Variants in CCDC178 observed in about 807,000 individuals in gnomAD.
CCDC178 encodes the protein coiled-coil domain containing 178, also known as coiled-coil domain-containing protein 178.
In CCDC178, 126 loss-of-function variants were observed where a neutral mutation model predicts 117.4. The observed-to-expected ratio is 1.07, with a 90% CI of 0.93 to 1.24. CCDC178 has a LOEUF of 1.24. CCDC178 is among the 50% of genes most tolerant of loss of function. CCDC178 has a pLI of 0.00. For missense variants in CCDC178, 1,030 were observed against 986.9 expected, an observed-to-expected ratio of 1.04 and a Z score of -0.59; for synonymous variants, 283 against 313.4, an observed-to-expected ratio of 0.90 and a Z score of 1.02.
At chr18:33,145,344 G>T (rs1280023581) in intron 20 of CCDC178, among the ~76,000 whole-genome samples, 1 of 151,884 alleles carries the variant, frequency 6.6e-6, no homozygotes, top group Non-Finnish European at 1.5e-5. Context: ...TTGAATTTTT[G>T]CTATTTTCCA....
rs374617621 is a variant in CCDC178, at chr18:33,301,308, T to C, written c.1023-7996A>G. ...TTCAGAGGATGTAGGAGAAAGCCTG[T>C]GGGCCCAGGCAGAAGCCTGACCCAG... is the stretch of plus-strand genomic sequence containing the variant. On this transcript the variant is annotated intron_variant, in intron 11 of 22. Transcript: ENST00000383096. Among the ~76,000 whole-genome samples the C allele has an allele frequency of 8.5e-5, 13 of 152,322 alleles. No individual in the cohort carries two copies. In the South Asian group the frequency reaches 1.0e-3, roughly 12 times the overall value.
At chr18:33,232,317 T>C (rs1286214846) in intron 15 of CCDC178, among the ~76,000 whole-genome samples, 1 of 152,054 alleles carries the variant, frequency 6.6e-6, no homozygotes, top group Non-Finnish European at 1.5e-5. Context: ...GAAACCCACA[T>C]TCAAAGAGAA....
At chr18:33,074,548 G>A (rs2057170716) in intron 21 of CCDC178, among the ~76,000 whole-genome samples, 1 of 152,212 alleles carries the variant, frequency 6.6e-6, no homozygotes, top group South Asian at 2.1e-4. Flanking sequence ...TCACCATGGA[G>A]CCCTGGGGAA....
chr18:33,356,946 A>T (rs2063066011), intron 6 of CCDC178, among the ~76,000 whole-genome samples: 2 of 150,270 alleles, frequency 1.3e-5, no homozygotes, highest in African/African-American at 4.9e-5. Flanking sequence ...GACATTCACC[A>T]CCTATTCTCT....
intron 20 of CCDC178, among the ~76,000 whole-genome samples, chr18:33,114,042 G>C (rs1211701133): frequency 6.6e-6 from 1 of 152,000 alleles, no homozygotes; most frequent in Non-Finnish European, 1.5e-5. Context: ...AGTAAGAATA[G>C]AATGCCCATG....
At position 33,156,186 on chromosome 18, in the gene CCDC178, T is replaced by C. The variant is rs2058394213; in HGVS notation, c.2238+55710A>G. Among the ~76,000 whole-genome samples the C allele has an allele frequency of 2.0e-5, 3 of 149,478 alleles. No individual in the cohort carries two copies. In the South Asian group the frequency reaches 6.4e-4, roughly 32 times the overall value. On this transcript the variant is annotated intron_variant, in intron 20 of 22. Coordinates refer to ENST00000383096, the MANE Select transcript of CCDC178 (RefSeq NM_001105528.4). ...TCACTGCAACCTCCGCCTCCCAGGTTCAAGCGATTCTCCTGCCTCAGCCAC... is the reference window on the plus strand; with the variant it reads ...TCACTGCAACCTCCGCCTCCCAGGTCCAAGCGATTCTCCTGCCTCAGCCAC...
At chr18:33,247,970 AT>A (rs2059570590) in intron 14 of CCDC178, among the ~76,000 whole-genome samples, 1 of 151,822 alleles carries the variant, frequency 6.6e-6, no homozygotes, top group African/African-American at 2.4e-5. Context: ...AATGCGAGAA[AT>A]TTCTAGACTT....
At chr18:33,223,289 A>C (rs2059261198) in intron 17 of CCDC178, 70 bp from the exon 18 acceptor site, 16 of 1,419,944 alleles carry the variant, frequency 1.1e-5, no homozygotes, top group Non-Finnish European at 1.5e-5. Flanking sequence ...GCCAAATCGT[A>C]CTTAAGTGAC....
intron 20 of CCDC178, among the ~76,000 whole-genome samples, chr18:33,138,971 A>T (rs1439517995): frequency 2.0e-5 from 3 of 152,236 alleles, no homozygotes; most frequent in African/African-American, 7.2e-5. Context: ...CCCAAATCAT[A>T]TCGTGAATTG....
At chr18:33,376,760 T>A (rs1385929476) in intron 5 of CCDC178, among the ~76,000 whole-genome samples, 2 of 152,200 alleles carry the variant, frequency 1.3e-5, no homozygotes, top group Non-Finnish European at 1.5e-5. Flanking sequence ...GTTGCATCCA[T>A]GTTGCTGCAG....
intron 20 of CCDC178, among the ~76,000 whole-genome samples, chr18:33,205,361 G>C (rs1307138802): frequency 6.6e-6 from 1 of 151,900 alleles, no homozygotes; most frequent in Non-Finnish European, 1.5e-5. Context: ...CAAAATTAAA[G>C]TACTGTAATA....
At chr18:33,186,072 T>A (rs2058790598) in intron 20 of CCDC178, among the ~76,000 whole-genome samples, 1 of 152,050 alleles carries the variant, frequency 6.6e-6, no homozygotes, top group Admixed American at 6.6e-5. Context: ...TTATCTAATA[T>A]ATGTCAAGTA....
chr18:33,357,676 C>T (rs907207155), intron 6 of CCDC178, among the ~76,000 whole-genome samples: 1 of 152,006 alleles, frequency 6.6e-6, no homozygotes, highest in African/African-American at 2.4e-5. Flanking sequence ...TTGTACAAGT[C>T]ATAAATTATC....
chr18:33,093,472 T>C (rs1269932942), intron 20 of CCDC178, among the ~76,000 whole-genome samples: 3 of 152,130 alleles, frequency 2.0e-5, no homozygotes, highest in Non-Finnish European at 2.9e-5. Flanking sequence ...TTATAATTAA[T>C]ATATTTTAGT....
chr18:33,171,523 G>T (rs189266590), intron 20 of CCDC178, among the ~76,000 whole-genome samples: 27 of 152,316 alleles, frequency 1.8e-4, no homozygotes, highest in African/African-American at 6.0e-4. Context: ...AATTCAAGAA[G>T]AGATTTTATA....
In CCDC178 at chr18:33,195,170, A is replaced by G. The variant is rs77566917; in HGVS notation, c.2238+16726T>C. 4.7e-3 allele frequency among the ~76,000 whole-genome samples: 715 copies of G among 152,140 alleles called. 6 individuals are homozygous for G. Among genetic ancestry groups the G allele is most frequent in the African/African-American group, 0.017 (686 of 41,528 alleles). On this transcript the variant is annotated intron_variant, in intron 20 of 22. Coordinates refer to ENST00000383096, the MANE Select transcript of CCDC178 (RefSeq NM_001105528.4). ...GAAGAAAAAAGAAAATTAAAAAAAGAAAAATACAATTTTAACTATCTATAC... is the reference window on the plus strand; with the variant it reads ...GAAGAAAAAAGAAAATTAAAAAAAGGAAAATACAATTTTAACTATCTATAC...
intron 14 of CCDC178, among the ~76,000 whole-genome samples, chr18:33,251,890 T>C (rs367664641): frequency 6.6e-6 from 1 of 151,758 alleles, no homozygotes; most frequent in Non-Finnish European, 1.5e-5. Context: ...GCTGGTTTAG[T>C]TAGGGATAGG....
intron 20 of CCDC178, among the ~76,000 whole-genome samples, chr18:33,198,355 A>G (rs1013395405): frequency 6.6e-6 from 1 of 152,172 alleles, no homozygotes; most frequent in African/African-American, 2.4e-5. Context: ...ATAGTAACTA[A>G]AAACAATTTC....
chr18:32,937,823 G>A lies in CCDC178; in HGVS notation c.*188C>T, dbSNP rs992712460. On this transcript the variant is annotated 3_prime_UTR_variant, in exon 23 of 23. Transcript: ENST00000383096. ...GATCGTTCCTGACAGCAGCATGAAA[G>A]TCACCTGTTTCATTGTTATGGATTT... 30 of 560,566 alleles carry A rather than the reference G, an allele frequency of 5.4e-5. No homozygotes were observed. The highest frequency in any genetic ancestry group is 4.5e-4 in the African/African-American group (24 of 52,854). 34.7% of individuals were successfully genotyped at this position (560,566 alleles called of 1,614,324 possible).
Sources: gnomAD v4.1 joint callset for allele counts (sites outside exome capture counted in the v4.1 genomes callset) on GRCh38, gnomAD v4.1.1 for gene constraint, MANE v1.5 for transcripts, NCBI Gene and HGNC (gene_info 2026-07-23, HGNC 2026-07-21) for gene names.